The following WDR1 variants were observed in gnomAD, a reference collection of about 807,000 sequenced individuals.
WDR1 encodes WD repeat-containing protein 1.
A neutral mutation model predicts 71.9 loss-of-function variants in WDR1; 21 were observed. The ratio of observed to expected loss-of-function variants is 0.29; its 90% CI spans 0.21 to 0.42. The LOEUF (loss-of-function observed/expected upper bound fraction) is 0.42. Ranked by LOEUF, WDR1 falls within the 10% of genes least tolerant of loss-of-function variation. The pLI is 1.00. For synonymous variants in WDR1, 424 were observed against 347.4 expected (o/e 1.22, Z -2.45); for missense variants, 696 against 824.5 (o/e 0.84, Z 1.91).
At chr4:10,094,486 C>T (rs1222655237) in intron 5 of WDR1, among the ~76,000 whole-genome samples, 1 of 152,222 alleles carries the variant, frequency 6.6e-6, no homozygotes, top group Non-Finnish European at 1.5e-5. Flanking sequence ...GAAGACATCC[C>T]CATGGGTGAG....
intron 5 of WDR1, among the ~76,000 whole-genome samples, chr4:10,089,704 C>T (rs1281015405): frequency 3.3e-5 from 5 of 152,224 alleles, no homozygotes; most frequent in African/African-American, 1.2e-4. Context: ...CGCTGCTCAG[C>T]AGGTACGAAC....
chr4:10,111,319 C>T (rs1345131414), intron 2 of WDR1, among the ~76,000 whole-genome samples: 1 of 152,192 alleles, frequency 6.6e-6, no homozygotes, highest in Non-Finnish European at 1.5e-5. Flanking sequence ...TCGGTCCTCC[C>T]AGATGTGGTC....
intron 8 of WDR1, among the ~76,000 whole-genome samples, chr4:10,084,934 C>T (rs1428387715): frequency 6.6e-6 from 1 of 152,240 alleles, no homozygotes; most frequent in Non-Finnish European, 1.5e-5. Flanking sequence ...CTTCGCTGGC[C>T]ACATTCGCTT....
At chr4:10,079,907 C>T (rs746751188) in intron 11 of WDR1, among the ~76,000 whole-genome samples, 9 of 152,320 alleles carry the variant, frequency 5.9e-5, no homozygotes, top group Middle Eastern at 3.4e-3. Context: ...CCTGAAGCTT[C>T]GTCCGACATG....
At chr4:10,091,996 T>G (rs2109664902) in intron 5 of WDR1, 1 of 152,400 alleles carries the variant, frequency 6.6e-6, no homozygotes, top group South Asian at 2.1e-4. Context: ...CACACAACCT[T>G]GACCATGACA....
chr4:10,106,781 A>G (rs1413030441), intron 2 of WDR1, among the ~76,000 whole-genome samples: 1 of 152,176 alleles, frequency 6.6e-6, no homozygotes, highest in Non-Finnish European at 1.5e-5. Flanking sequence ...GAGATACTCC[A>G]AACTGCAGAT....
intron 14 of WDR1, chr4:10,076,903 A>C (rs1005255817): frequency 8.7e-5 from 16 of 184,018 alleles, no homozygotes; most frequent in Non-Finnish European, 1.8e-4. Flanking sequence ...TACTGTTACA[A>C]ATCATTTCAC....
At position 10,075,462 on chromosome 4, in the gene WDR1, G is replaced by A; in HGVS notation, c.1737C>T (p.Val579=). ...GCTCGTCCAGCCAGGCCAGGCTGCTGACATGGTGCAGCCGGTGTGCATCTG... is the reference window on the plus strand; with the variant it reads ...GCTCGTCCAGCCAGGCCAGGCTGCTAACATGGTGCAGCCGGTGTGCATCTG... ...KIQDAHRLHH[V]SSLAWLDEHT... is the part of the protein sequence containing the mutation. The change falls in exon 15 of 15, where the codon GTC becomes GTT. Residue 579 remains valine, a synonymous_variant. Transcript: ENST00000499869. 6.2e-7 allele frequency: 1 copy of A among 1,613,998 alleles called. No homozygotes were observed. The highest frequency in any genetic ancestry group is 8.5e-7 in the Non-Finnish European group (1 of 1,179,894).
chr4:10,079,499 C>T (rs984403078), intron 11 of WDR1, among the ~76,000 whole-genome samples: 1 of 152,250 alleles, frequency 6.6e-6, no homozygotes, highest in Admixed American at 6.5e-5. Context: ...CAGGCTGAGC[C>T]GGGACTCGCC....
chr4:10,074,845 G>A lies in WDR1; in HGVS notation c.*533C>T, dbSNP rs1048625242. On this transcript the variant is annotated 3_prime_UTR_variant, in exon 15 of 15. Coordinates refer to ENST00000499869, the MANE Select transcript of WDR1 (RefSeq NM_017491.5). ...GGGGTTGTGTGTCCCCATCTGATCTGGAGGTGGCGCTCTGAAGGCAGCCAC... is the reference window on the plus strand; with the variant it reads ...GGGGTTGTGTGTCCCCATCTGATCTAGAGGTGGCGCTCTGAAGGCAGCCAC... 1.9e-5 allele frequency: 3 copies of A among 155,032 alleles called. No individual in the cohort carries two copies. Among genetic ancestry groups the A allele is most frequent in the Admixed American group, 6.5e-5 (1 of 15,378 alleles). 9.6% of individuals were successfully genotyped at this position (155,032 alleles called of 1,614,324 possible).
intron 2 of WDR1, among the ~76,000 whole-genome samples, chr4:10,114,715 T>G (rs1212250905): frequency 6.6e-6 from 1 of 152,248 alleles, no homozygotes; most frequent in Non-Finnish European, 1.5e-5. Context: ...TCATTACCAT[T>G]AGATCCCTGG....
intron 3 of WDR1, 49 bp from the exon 4 acceptor site, chr4:10,099,188 A>AT: frequency 2.4e-6 from 1 of 414,386 alleles, no homozygotes; most frequent in Non-Finnish European, 4.5e-6. Flanking sequence ...GGTGGGGTAA[A>AT]GGGCAGGGGG....
At position 10,078,370 on chromosome 4, in the gene WDR1, C is replaced by T. The variant is rs550914591; in HGVS notation, c.1396-444G>A. Among the ~76,000 whole-genome samples the T allele has an allele frequency of 3.9e-5, 6 of 152,332 alleles. No individual in the cohort carries two copies. In the East Asian group the frequency reaches 1.2e-3, roughly 29 times the overall value. On this transcript the variant is annotated intron_variant, in intron 12 of 14. Coordinates refer to ENST00000499869, the MANE Select transcript of WDR1 (RefSeq NM_017491.5). ...CAGGACTTGGCCAGGCACACTGTGACCAGACCACACACACAAATTCAAGGG... is the reference window on the plus strand; with the variant it reads ...CAGGACTTGGCCAGGCACACTGTGATCAGACCACACACACAAATTCAAGGG...
chr4:10,115,196 A>G (rs1713635344), intron 2 of WDR1, among the ~76,000 whole-genome samples: 1 of 152,182 alleles, frequency 6.6e-6, no homozygotes, highest in South Asian at 2.1e-4. Flanking sequence ...CGGCACCTCC[A>G]ACTCCCACCC....
At chr4:10,113,554 G>A (rs1459867958) in intron 2 of WDR1, among the ~76,000 whole-genome samples, 1 of 152,032 alleles carries the variant, frequency 6.6e-6, no homozygotes, top group Non-Finnish European at 1.5e-5. Context: ...GAAGCCACTA[G>A]AGGCCTGTCT....
At chr4:10,115,886 G>A (rs1713687285) in intron 2 of WDR1, 5 of 572,988 alleles carry the variant, frequency 8.7e-6, no homozygotes, top group Non-Finnish European at 1.2e-5. Context: ...ACCGTAGACA[G>A]AAACGAACTA....
chr4:10,085,602 T>C (rs1765178586), intron 8 of WDR1, among the ~76,000 whole-genome samples: 1 of 152,218 alleles, frequency 6.6e-6, no homozygotes, highest in African/African-American at 2.4e-5. Flanking sequence ...GCCAAGAGAC[T>C]TGTGTGCAGG....
At position 10,104,003 on chromosome 4, in the gene WDR1, C is replaced by A; in HGVS notation, c.139-17G>T. 1 of 1,581,368 alleles carries A rather than the reference C, an allele frequency of 6.3e-7. No individual in the cohort carries two copies. The highest frequency in any genetic ancestry group is 1.2e-5 in the South Asian group (1 of 86,142). ...GGCTGGGTTCTGCAGGAGGAGACCC[C>A]GGAATGAACAGAAGGAATGGAGAAG... On this transcript the variant is annotated splice_polypyrimidine_tract_variant and intron_variant, in intron 2 of 14. Transcript: ENST00000499869.
At chr4:10,107,303 C>T (rs529096344) in intron 2 of WDR1, among the ~76,000 whole-genome samples, 1 of 152,212 alleles carries the variant, frequency 6.6e-6, no homozygotes, top group Non-Finnish European at 1.5e-5. Context: ...TCCTTGCCAA[C>T]TCCCAACCCA....
Sources: gnomAD v4.1 joint callset for allele counts (sites outside exome capture counted in the v4.1 genomes callset) on GRCh38, gnomAD v4.1.1 for gene constraint, MANE v1.5 for transcripts, NCBI Gene and HGNC (gene_info 2026-07-23, HGNC 2026-07-21) for gene names.